STK32B: variants seen among roughly 807,000 people sequenced by gnomAD.
STK32B encodes the protein serine/threonine kinase 32B, also known as serine/threonine-protein kinase 32B.
In STK32B, 43 loss-of-function variants were observed where a neutral mutation model predicts 52.6. The ratio of observed to expected loss-of-function variants is 0.82; its 90% CI spans 0.64 to 1.05. The LOEUF (loss-of-function observed/expected upper bound fraction) is 1.05, where lower values mean the gene tolerates loss of function less well. STK32B is among the 50% of genes least tolerant of loss of function. STK32B has a pLI of 0.00. For synonymous variants in STK32B, 238 were observed against 204.3 expected, an observed-to-expected ratio of 1.17 and a Z score of -1.41; for missense variants, 621 against 534.6, an observed-to-expected ratio of 1.16 and a Z score of -1.59.
chr4:5,317,180 A>ATATATATAACATATATATAACATATATAT (rs1560313096), intron 3 of STK32B, among the ~76,000 whole-genome samples: 1 of 49,566 alleles, frequency 2.0e-5, no homozygotes, highest in Non-Finnish European at 2.8e-5. Context: ...AACATATAAT[A>ATATATATAACATATATATAACATATATAT]TATATATATA....
intron 3 of STK32B, among the ~76,000 whole-genome samples, chr4:5,314,801 G>A (rs947142486): frequency 7.9e-5 from 12 of 152,062 alleles, no homozygotes; most frequent in Non-Finnish European, 1.6e-4. Flanking sequence ...AACGGGCTGG[G>A]AAATTTGCAG....
chr4:5,182,540 C>A (rs776745120), intron 3 of STK32B, among the ~76,000 whole-genome samples: 11 of 152,004 alleles, frequency 7.2e-5, no homozygotes, highest in South Asian at 2.1e-4. Context: ...CAGCTCACTG[C>A]AACCTCTGCC....
chr4:5,321,268 A>AT (rs1288964220), intron 3 of STK32B, among the ~76,000 whole-genome samples: 1 of 152,190 alleles, frequency 6.6e-6, no homozygotes, highest in Non-Finnish European at 1.5e-5. Context: ...GGTCAATGGT[A>AT]TTAAAAAAAA....
intron 1 of STK32B, among the ~76,000 whole-genome samples, chr4:5,078,109 G>A (rs907204124): frequency 4.6e-5 from 7 of 152,080 alleles, no homozygotes; most frequent in East Asian, 1.9e-4. Flanking sequence ...CAGGAAGAGC[G>A]TAAAGGAGGA....
At chr4:5,448,889 G>T (rs564059732) in intron 7 of STK32B, among the ~76,000 whole-genome samples, 7 of 152,264 alleles carry the variant, frequency 4.6e-5, no homozygotes, top group Admixed American at 3.9e-4. Flanking sequence ...ACTGGAAACC[G>T]TTGATTTAGT....
chr4:5,483,874 C>T (rs564233742), intron 11 of STK32B, among the ~76,000 whole-genome samples: 1 of 152,250 alleles, frequency 6.6e-6, no homozygotes, highest in East Asian at 1.9e-4. Context: ...GCAGGTTGTT[C>T]AGTTTCTATG....
chr4:5,243,725 T>C (rs1725220753), intron 3 of STK32B, among the ~76,000 whole-genome samples: 1 of 152,200 alleles, frequency 6.6e-6, no homozygotes, highest in South Asian at 2.1e-4. Context: ...TTGTCATAGA[T>C]AGCTCTTATT....
intron 2 of STK32B, among the ~76,000 whole-genome samples, chr4:5,166,056 A>G (rs1343083272): frequency 6.6e-6 from 1 of 152,168 alleles, no homozygotes; most frequent in Non-Finnish European, 1.5e-5. Flanking sequence ...GGAGTCGGAA[A>G]TCAGGCTTCT....
intron 5 of STK32B, among the ~76,000 whole-genome samples, chr4:5,402,388 A>T (rs1419571546): frequency 6.6e-6 from 1 of 152,220 alleles, no homozygotes; most frequent in East Asian, 1.9e-4. Context: ...AGGAGAGAAG[A>T]GTGAGAGACA....
At chr4:5,158,142 C>T (rs1560184479) in intron 2 of STK32B, among the ~76,000 whole-genome samples, 1 of 152,110 alleles carries the variant, frequency 6.6e-6, no homozygotes, top group Non-Finnish European at 1.5e-5. Flanking sequence ...CATTACTGAC[C>T]AGCTTGGTGG....
chr4:5,429,753 T>G (rs1713411479), intron 6 of STK32B, among the ~76,000 whole-genome samples: 1 of 152,182 alleles, frequency 6.6e-6, no homozygotes, highest in African/African-American at 2.4e-5. Context: ...TATTAAAATC[T>G]ACTGGTAATG....
intron 9 of STK32B, among the ~76,000 whole-genome samples, chr4:5,463,323 G>A (rs898283565): frequency 8.3e-6 from 1 of 121,158 alleles, no homozygotes; most frequent in Admixed American, 8.9e-5. Context: ...CTGTGTGCTG[G>A]GATGCCCTGG....
chr4:5,391,156 TCA>T (rs1736575165), intron 4 of STK32B, among the ~76,000 whole-genome samples: 1 of 151,962 alleles, frequency 6.6e-6, no homozygotes, highest in Non-Finnish European at 1.5e-5. Flanking sequence ...AGATGGGGTT[TCA>T]CCATGTTAGC....
chr4:5,317,836 T>A (rs66507731), intron 3 of STK32B, among the ~76,000 whole-genome samples: 35,863 of 151,856 alleles, frequency 0.24, 6,939 homozygotes, highest in African/African-American at 0.54. Context: ...CATCTAAGTG[T>A]TTTGGATAGA....
intron 8 of STK32B, among the ~76,000 whole-genome samples, chr4:5,458,385 A>T (rs1282100176): frequency 3.3e-5 from 5 of 152,178 alleles, no homozygotes; most frequent in African/African-American, 1.2e-4. Context: ...GGGCCATACG[A>T]TGGCTCTTCT....
intron 3 of STK32B, among the ~76,000 whole-genome samples, chr4:5,180,188 A>T (rs1720247132): frequency 6.6e-6 from 1 of 152,176 alleles, no homozygotes; most frequent in Non-Finnish European, 1.5e-5. Flanking sequence ...CAGAGACAGA[A>T]AGCAGGGCCC....
intron 1 of STK32B, among the ~76,000 whole-genome samples, chr4:5,093,922 A>G (rs1207793259): frequency 6.6e-6 from 1 of 152,212 alleles, no homozygotes; most frequent in Non-Finnish European, 1.5e-5. Context: ...AAGTCCTGAC[A>G]TTACAAGAAA....
intron 3 of STK32B, among the ~76,000 whole-genome samples, chr4:5,204,555 C>T (rs974597518): frequency 4.6e-5 from 7 of 151,814 alleles, no homozygotes; most frequent in Middle Eastern, 3.4e-3. Flanking sequence ...CTGCAATCTC[C>T]GCCTCCTGAG....
chr4:5,439,872 A>C (rs1051820927), intron 6 of STK32B, among the ~76,000 whole-genome samples: 17 of 151,980 alleles, frequency 1.1e-4, no homozygotes, highest in Non-Finnish European at 2.2e-4. Flanking sequence ...TCCTTTCCCC[A>C]TTGCTTGTTT....
Sources: allele counts gnomAD v4.1 joint callset (sites outside exome capture counted in the v4.1 genomes callset), GRCh38; gene constraint gnomAD v4.1.1; transcripts MANE v1.5; gene names NCBI Gene and HGNC (gene_info 2026-07-23, HGNC 2026-07-21).